The following IMMP2L variants were observed in gnomAD, a reference collection of about 807,000 sequenced individuals.
IMMP2L encodes mitochondrial inner membrane protease subunit 2.
IMMP2L carries 18 observed loss-of-function variants against 19.3 expected under a neutral mutation model. That is an observed-to-expected ratio of 0.93 (90% CI 0.64 to 1.38). The LOEUF (loss-of-function observed/expected upper bound fraction) is 1.38, where lower values mean the gene tolerates loss of function less well. Among genes scored for constraint, IMMP2L ranks in the 40% most tolerant of loss-of-function variants. The pLI is 0.00. For synonymous variants in IMMP2L, 76 were observed against 73.0 expected, an observed-to-expected ratio of 1.04 and a Z score of -0.21; for missense variants, 233 against 218.2, an observed-to-expected ratio of 1.07 and a Z score of -0.43.
intron 5 of IMMP2L, among the ~76,000 whole-genome samples, chr7:110,733,072 C>A (rs904310502): frequency 1.3e-5 from 2 of 152,206 alleles, no homozygotes; most frequent in Non-Finnish European, 2.9e-5. Context: ...TGAGCCACTG[C>A]ACCTGGCCTT....
At chr7:111,298,508 G>C (rs530433898) in intron 3 of IMMP2L, among the ~76,000 whole-genome samples, 3 of 152,092 alleles carry the variant, frequency 2.0e-5, no homozygotes, top group Admixed American at 1.3e-4. Context: ...CCAGCACTTT[G>C]GGAGACTGAA....
chr7:111,351,235 G>C (rs1287176900), intron 3 of IMMP2L, among the ~76,000 whole-genome samples: 1 of 152,102 alleles, frequency 6.6e-6, no homozygotes, highest in Non-Finnish European at 1.5e-5. Context: ...CTGTCACCCA[G>C]GCTGGAGTGC....
chr7:110,955,030 T>G (rs1818222988), intron 4 of IMMP2L, among the ~76,000 whole-genome samples: 2 of 152,006 alleles, frequency 1.3e-5, no homozygotes, highest in South Asian at 2.1e-4. Context: ...AAATAATGCG[T>G]TTTTTAATCG....
At chr7:111,260,755 G>A (rs755705397) in intron 3 of IMMP2L, among the ~76,000 whole-genome samples, 20 of 151,942 alleles carry the variant, frequency 1.3e-4, no homozygotes, top group Non-Finnish European at 2.5e-4. Flanking sequence ...GTATACAATC[G>A]AAACAGGTAT....
At chr7:111,357,940 A>G (rs1341585479) in intron 3 of IMMP2L, among the ~76,000 whole-genome samples, 1 of 150,486 alleles carries the variant, frequency 6.6e-6, no homozygotes, top group Admixed American at 6.7e-5. Flanking sequence ...CACCCATCAC[A>G]CTCCCATACT....
At chr7:111,387,393 T>C (rs917003295) in intron 3 of IMMP2L, among the ~76,000 whole-genome samples, 18 of 152,076 alleles carry the variant, frequency 1.2e-4, no homozygotes, top group African/African-American at 4.3e-4. Flanking sequence ...TACTTGAAAA[T>C]AAAAGCACAA....
intron 1 of IMMP2L, among the ~76,000 whole-genome samples, chr7:111,530,888 A>G (rs1409826946): frequency 6.6e-6 from 1 of 152,184 alleles, no homozygotes. Context: ...CATCTGAGAT[A>G]GCAAGAATGC....
chr7:110,897,514 A>G (rs1176731942), intron 4 of IMMP2L, among the ~76,000 whole-genome samples: 1 of 152,190 alleles, frequency 6.6e-6, no homozygotes, highest in African/African-American at 2.4e-5. Flanking sequence ...AAGAGTTATA[A>G]TCTTTTTGGA....
intron 3 of IMMP2L, among the ~76,000 whole-genome samples, chr7:111,184,558 T>G (rs1808059622): frequency 6.6e-6 from 1 of 152,038 alleles, no homozygotes; most frequent in Non-Finnish European, 1.5e-5. Context: ...TACTTAGAGA[T>G]CATTAGAAGC....
intron 3 of IMMP2L, among the ~76,000 whole-genome samples, chr7:111,000,027 C>T (rs1823495497): frequency 6.6e-6 from 1 of 152,116 alleles, no homozygotes; most frequent in South Asian, 2.1e-4. Flanking sequence ...CCTGAGTTTT[C>T]CCAAGTGGAT....
chr7:111,188,211 T>C (rs1208043238), intron 3 of IMMP2L, among the ~76,000 whole-genome samples: 3 of 152,274 alleles, frequency 2.0e-5, no homozygotes, highest in African/African-American at 7.2e-5. Flanking sequence ...ATAAAGGCTG[T>C]ATCCCACATG....
chr7:111,147,368 A>C (rs1803591074), intron 3 of IMMP2L, among the ~76,000 whole-genome samples: 1 of 152,078 alleles, frequency 6.6e-6, no homozygotes, highest in African/African-American at 2.4e-5. Flanking sequence ...GACTTTTCTG[A>C]AATTCTTTAT....
intron 3 of IMMP2L, among the ~76,000 whole-genome samples, chr7:111,104,145 G>A (rs1306960437): frequency 6.6e-6 from 1 of 151,670 alleles, no homozygotes; most frequent in African/African-American, 2.4e-5. Context: ...AAATTTGCTG[G>A]AGGATACCTT....
At chr7:111,407,276 T>C (rs1833978809) in intron 3 of IMMP2L, among the ~76,000 whole-genome samples, 1 of 151,938 alleles carries the variant, frequency 6.6e-6, no homozygotes, top group African/African-American at 2.4e-5. Flanking sequence ...TAAACATAAA[T>C]ATATCACACA....
At chr7:110,680,061 G>A (rs1009200749) in intron 5 of IMMP2L, among the ~76,000 whole-genome samples, 3 of 152,102 alleles carry the variant, frequency 2.0e-5, no homozygotes, top group Non-Finnish European at 2.9e-5. Context: ...CCCAAAAAAG[G>A]CAGAAACAGA....
chr7:111,255,252 G>T (rs1816579822), intron 3 of IMMP2L, among the ~76,000 whole-genome samples: 1 of 152,118 alleles, frequency 6.6e-6, no homozygotes, highest in Admixed American at 6.6e-5. Flanking sequence ...CAAACTTGAA[G>T]TTCAAATTGA....
intron 5 of IMMP2L, among the ~76,000 whole-genome samples, chr7:110,718,738 T>C (rs1379956042): frequency 6.6e-6 from 1 of 152,078 alleles, no homozygotes; most frequent in Non-Finnish European, 1.5e-5. Flanking sequence ...TTTTGAATCA[T>C]AAAAGGCAGA....
chr7:111,445,043 T>C (rs1169105142), intron 3 of IMMP2L, among the ~76,000 whole-genome samples: 1 of 152,146 alleles, frequency 6.6e-6, no homozygotes, highest in Non-Finnish European at 1.5e-5. Flanking sequence ...CATATAAATA[T>C]ATTTAAGGAA....
chr7:111,364,389 G>A (rs1039185135), intron 3 of IMMP2L, among the ~76,000 whole-genome samples: 3 of 151,796 alleles, frequency 2.0e-5, no homozygotes, highest in Non-Finnish European at 4.4e-5. Flanking sequence ...GTATACATAC[G>A]TATATAGAGC....
Sources: allele counts gnomAD v4.1 joint callset (sites outside exome capture counted in the v4.1 genomes callset), GRCh38; gene constraint gnomAD v4.1.1; transcripts MANE v1.5; gene names NCBI Gene and HGNC (gene_info 2026-07-23, HGNC 2026-07-21).